Variants in CHLSN observed in about 807,000 individuals in gnomAD.
CHLSN encodes the protein cholesin.
At chr7:1,127,241 G>C in the CHLSN span, 3 of 1,586,826 alleles carry the variant, frequency 1.9e-6, no homozygotes, top group African/African-American at 4.1e-5. Flanking sequence ...GGCCAGTGAA[G>C]CACAGGCGGC....
the CHLSN span, among the ~76,000 whole-genome samples, chr7:1,044,216 G>A: frequency 1.3e-5 from 2 of 152,216 alleles, no homozygotes; most frequent in Non-Finnish European, 2.9e-5. Flanking sequence ...CCTGCACCCT[G>A]CAGATTAGGG....
the CHLSN span, among the ~76,000 whole-genome samples, chr7:1,079,938 C>T: frequency 6.6e-6 from 1 of 152,248 alleles, no homozygotes; most frequent in African/African-American, 2.4e-5. Context: ...TTCCCCCAGG[C>T]CCCGAACCTG....
At chr7:986,825 AG>A in the CHLSN span, 1 of 1,499,116 alleles carries the variant, frequency 6.7e-7, no homozygotes, top group African/African-American at 1.4e-5. Flanking sequence ...ACCTCCTTGA[AG>A]GCCTGTAGGG....
At chr7:1,132,961 C>T in the CHLSN span, among the ~76,000 whole-genome samples, 1 of 152,132 alleles carries the variant, frequency 6.6e-6, no homozygotes, top group Non-Finnish European at 1.5e-5. Context: ...ACGAACACAT[C>T]TCCATAAAAA....
the CHLSN span, among the ~76,000 whole-genome samples, chr7:1,100,834 G>A: frequency 4.6e-5 from 7 of 152,042 alleles, no homozygotes; most frequent in Non-Finnish European, 5.9e-5. Flanking sequence ...AGGCAGAGAC[G>A]ACACCCCGAA....
chr7:1,123,494 A>G, the CHLSN span, among the ~76,000 whole-genome samples: 1 of 152,090 alleles, frequency 6.6e-6, no homozygotes, highest in East Asian at 1.9e-4. The surrounding 1 kb of genome is among the most constrained non-coding windows in gnomAD (Gnocchi z 4.4). Flanking sequence ...GAAGCAGCGC[A>G]GTACTTTTCC....
the CHLSN span, among the ~76,000 whole-genome samples, chr7:994,262 A>G: frequency 6.6e-6 from 1 of 151,984 alleles, no homozygotes; most frequent in African/African-American, 2.4e-5. Flanking sequence ...TGTTCAAGCG[A>G]TTCTCCTGAC....
chr7:1,059,466 T>C, the CHLSN span, among the ~76,000 whole-genome samples: 1 of 151,600 alleles, frequency 6.6e-6, no homozygotes, highest in Non-Finnish European at 1.5e-5. Context: ...AGCGAACAGG[T>C]CTGCAGTGAG....
the CHLSN span, among the ~76,000 whole-genome samples, chr7:1,106,288 A>C: frequency 6.6e-6 from 1 of 152,128 alleles, no homozygotes; most frequent in African/African-American, 2.4e-5. Flanking sequence ...GCACAGACTC[A>C]AGGGTGTGTG....
chr7:983,657 C>T, the CHLSN span, among the ~76,000 whole-genome samples: 19 of 152,278 alleles, frequency 1.2e-4, no homozygotes, highest in African/African-American at 4.1e-4. Context: ...TCCCTGGAGG[C>T]GGTGGCGTCT....
chr7:1,059,478 AGGGTCCATAGTGGGGC>A, the CHLSN span, among the ~76,000 whole-genome samples: 6 of 146,480 alleles, frequency 4.1e-5, no homozygotes, highest in African/African-American at 1.5e-4. Context: ...TGCAGTGAGG[AGGGTCCATAGTGGGGC>A]GGGTCCGTAG....
At chr7:1,057,427 C>T in the CHLSN span, 7 of 639,202 alleles carry the variant, frequency 1.1e-5, no homozygotes, top group African/African-American at 5.3e-5. Context: ...CCTGTACCTG[C>T]AGCACTTCTG....
the CHLSN span, among the ~76,000 whole-genome samples, chr7:1,124,407 C>G: frequency 6.6e-6 from 1 of 151,714 alleles, no homozygotes; most frequent in Admixed American, 6.6e-5. Flanking sequence ...CCACCAAAGT[C>G]GTGTGTGCCT....
chr7:1,091,872 G>A, the CHLSN span: 1 of 1,613,750 alleles, frequency 6.2e-7, no homozygotes, highest in South Asian at 1.1e-5. Flanking sequence ...GGACAGGTGA[G>A]CTCTCGGAGC....
the CHLSN span, chr7:1,093,260 C>A: frequency 2.2e-6 from 1 of 455,316 alleles, no homozygotes; most frequent in Non-Finnish European, 4.6e-6. Context: ...ACACAGGAAC[C>A]CTAAAGCAAA....
the CHLSN span, among the ~76,000 whole-genome samples, chr7:1,115,956 C>T: frequency 7.7e-5 from 10 of 129,766 alleles, 1 homozygote; most frequent in African/African-American, 2.7e-4. Context: ...CACCAAAGCC[C>T]ACGCAGGATG....
the CHLSN span, among the ~76,000 whole-genome samples, chr7:1,117,019 A>G: frequency 4.2e-5 from 3 of 71,562 alleles, no homozygotes; most frequent in African/African-American, 2.4e-4. Flanking sequence ...GGATGATGAC[A>G]GCACTACAGT....
the CHLSN span, among the ~76,000 whole-genome samples, chr7:1,081,401 C>T: frequency 1.3e-5 from 2 of 152,264 alleles, no homozygotes; most frequent in Non-Finnish European, 2.9e-5. Flanking sequence ...GAATTCTTCC[C>T]TTTCCTTGTA....
chr7:983,482 C>A, the CHLSN span: 1 of 1,233,296 alleles, frequency 8.1e-7, no homozygotes, highest in South Asian at 1.9e-5. Flanking sequence ...ACTGCCTGTT[C>A]CCACATGGTG....
Sources: gnomAD v4.1 joint callset for allele counts (sites outside exome capture counted in the v4.1 genomes callset) on GRCh38, gnomAD v4.1.1 for gene constraint, Gnocchi (gnomAD v3.1) non-coding constraint, MANE v1.5 for transcripts, NCBI Gene and HGNC (gene_info 2026-07-23, HGNC 2026-07-21) for gene names.